Variants in BPIFA2 observed in about 807,000 individuals in gnomAD.
BPIFA2 encodes BPI fold containing family A member 2, also known as BPI fold-containing family A member 2.
In BPIFA2, 20 loss-of-function variants were observed where a neutral mutation model predicts 25.7. The ratio of observed to expected loss-of-function variants is 0.78; its 90% CI spans 0.55 to 1.13. The LOEUF (loss-of-function observed/expected upper bound fraction) is 1.13. Ranked by LOEUF, BPIFA2 falls within the 50% of genes most tolerant of loss-of-function variation. BPIFA2 has a pLI of 0.00. For synonymous variants in BPIFA2, 126 were observed against 124.3 expected (o/e 1.01, Z -0.09); for missense variants, 300 against 298.1 (o/e 1.01, Z -0.05).
At chr20:33,177,889 T>C (rs1984136226) in intron 5 of BPIFA2, among the ~76,000 whole-genome samples, 1 of 152,212 alleles carries the variant, frequency 6.6e-6, no homozygotes, top group Non-Finnish European at 1.5e-5. Flanking sequence ...GCTGGTGCTC[T>C]GTAAATACGG....
At position 33,175,532 on chromosome 20, in the gene BPIFA2, C is replaced by T. The variant is rs770881633; in HGVS notation, c.536C>T (p.Thr179Ile). The T allele has an allele frequency of 6.2e-7, 1 of 1,614,096 alleles. No individual in the cohort carries two copies. Residue 179 changes from threonine (T) to isoleucine (I), a missense_variant, in exon 5 of 9, where the codon ACC (threonine) becomes ATC (isoleucine). Coordinates refer to ENST00000354932, the MANE Select transcript of BPIFA2 (RefSeq NM_080574.4). ...AVLGECASDPTSISLSLLDKH... is the reference protein window; with the variant it reads ...AVLGECASDPISISLSLLDKH... ...CTGGGAGAATGCGCCAGTGACCCAA[C>T]CAGCATCTCACTTTCCTTGCTGGAC...
chr20:33,168,350 C>T lies in BPIFA2; in HGVS notation c.-16+141C>T, dbSNP rs117733670. The T allele has an allele frequency of 5.4e-4, 87 of 162,434 alleles. No homozygotes were observed. The East Asian group carries it at 0.014, about 26-fold the overall frequency. 10.1% of individuals were successfully genotyped at this position (162,434 alleles called of 1,614,324 possible). On this transcript the variant is annotated intron_variant, in intron 1 of 8. Transcript: ENST00000354932. ...GATAATCAATATATCTCTAAATGTGCTCTAAATGGCAAGTTCGTGATGAGT... is the reference window on the plus strand; with the variant it reads ...GATAATCAATATATCTCTAAATGTGTTCTAAATGGCAAGTTCGTGATGAGT...
chr20:33,172,401 TA>T (rs943513585), intron 2 of BPIFA2, among the ~76,000 whole-genome samples: 254 of 137,076 alleles, frequency 1.9e-3, no homozygotes, highest in African/African-American at 4.9e-3. Flanking sequence ...AACTTAAAGT[TA>T]AAAAAAAAAA....
chr20:33,175,673 G>A, intron 5 of BPIFA2, 114 bp downstream of exon 5: 1 of 1,183,598 alleles, frequency 8.4e-7, no homozygotes, highest in Admixed American at 2.5e-5. Flanking sequence ...TTCAGGCTCT[G>A]GAGTCATGTT....
chr20:33,179,690 A>G, intron 7 of BPIFA2, 23 bp downstream of exon 7: 1 of 1,588,102 alleles, frequency 6.3e-7, no homozygotes, highest in African/African-American at 1.3e-5. Context: ...GGAAGTGGGG[A>G]CCTTCTGAGG....
intron 6 of BPIFA2, among the ~76,000 whole-genome samples, chr20:33,178,912 TAC>T (rs1356619966): frequency 6.6e-6 from 1 of 152,146 alleles, no homozygotes; most frequent in African/African-American, 2.4e-5. Context: ...GGGAACTGTG[TAC>T]ACACAGGAGC....
upstream of BPIFA2, among the ~76,000 whole-genome samples, chr20:33,167,206 G>A (rs1983751751): frequency 6.6e-6 from 1 of 152,216 alleles, no homozygotes; most frequent in Admixed American, 6.5e-5. Context: ...GCAGGTGGGT[G>A]AGCAGAAGGG....
intron 1 of BPIFA2, among the ~76,000 whole-genome samples, chr20:33,168,606 G>C (rs977802888): frequency 2.6e-5 from 4 of 152,200 alleles, no homozygotes; most frequent in African/African-American, 9.6e-5. Context: ...CTAGGTGCAG[G>C]CTTTTTACTG....
intron 5 of BPIFA2, among the ~76,000 whole-genome samples, chr20:33,177,667 G>T (rs1984128884): frequency 6.6e-6 from 1 of 152,210 alleles, no homozygotes; most frequent in African/African-American, 2.4e-5. Flanking sequence ...TGATAGCAAA[G>T]CTCTCTCTTA....
rs547502698 is a variant in BPIFA2 at position 33,180,124 on chromosome 20, G to A, written c.710-396G>A. ...TCCCAGCTACTCGGGAGGCTGAGGC[G>A]GGAGGATTGCTTGAGCCTAGGAGGC... On this transcript the variant is annotated intron_variant, in intron 7 of 8. Transcript: ENST00000354932. Among the ~76,000 whole-genome samples the A allele has an allele frequency of 1.8e-4, 28 of 152,118 alleles. 1 individual carries two copies. Among genetic ancestry groups the A allele is most frequent in the East Asian group, 9.7e-4 (5 of 5,170 alleles).
At chr20:33,166,074 T>G (rs1484862885), upstream of BPIFA2, among the ~76,000 whole-genome samples, 1 of 152,190 alleles carries the variant, frequency 6.6e-6, no homozygotes, top group East Asian at 1.9e-4. Flanking sequence ...TATAGTGAAG[T>G]GGCACAATCT....
At chr20:33,177,405 C>A (rs1327447363) in intron 5 of BPIFA2, among the ~76,000 whole-genome samples, 1 of 151,928 alleles carries the variant, frequency 6.6e-6, no homozygotes, top group East Asian at 1.9e-4. Context: ...CAGGCAGGCA[C>A]CATTCTGGGC....
chr20:33,164,882 A>G (rs1315076368), upstream of BPIFA2, among the ~76,000 whole-genome samples: 1 of 152,238 alleles, frequency 6.6e-6, no homozygotes, highest in Admixed American at 6.5e-5. Context: ...GCATTCAGGG[A>G]ACATTCCATG....
At chr20:33,173,633 T>A (rs1206657794) in intron 3 of BPIFA2, among the ~76,000 whole-genome samples, 1 of 152,144 alleles carries the variant, frequency 6.6e-6, no homozygotes, top group Non-Finnish European at 1.5e-5. Flanking sequence ...GCCTCCTGAG[T>A]AGCTGGGATT....
chr20:33,162,734 G>A (rs778369629), intron 1 of BPIFA2, among the ~76,000 whole-genome samples: 9 of 152,182 alleles, frequency 5.9e-5, no homozygotes, highest in Admixed American at 4.6e-4. Flanking sequence ...CCAAATTGAG[G>A]TCTGGCTGGT....
intron 4 of BPIFA2, 95 bp downstream of exon 4, chr20:33,174,281 G>A (rs553874751): frequency 1.9e-4 from 204 of 1,066,146 alleles, no homozygotes; most frequent in Non-Finnish European, 2.9e-5. Flanking sequence ...CCCGCTGCTG[G>A]GTGAACTTGG....
At position 33,172,916 on chromosome 20, in the gene BPIFA2, C is replaced by G. The variant is rs546969309; in HGVS notation, c.158-16C>G. 1.9e-6 allele frequency: 3 copies of G among 1,610,642 alleles called. No homozygotes were observed. Among genetic ancestry groups the G allele is most frequent in the African/African-American group, 2.7e-5 (2 of 74,718 alleles). Reference sequence around the variant, plus strand: ...GTAAGTGGTGCGTGACACAAAATGGCGATTGTTTTTGGCAGGCATCCTTGA... The same window carrying G: ...GTAAGTGGTGCGTGACACAAAATGGGGATTGTTTTTGGCAGGCATCCTTGA... On this transcript the variant is annotated splice_polypyrimidine_tract_variant and intron_variant, in intron 2 of 8. Coordinates refer to ENST00000354932, the MANE Select transcript of BPIFA2 (RefSeq NM_080574.4).
chr20:33,173,166 G>A, intron 3 of BPIFA2, 90 bp downstream of exon 3: 1 of 1,468,630 alleles, frequency 6.8e-7, no homozygotes, highest in Non-Finnish European at 9.3e-7. Context: ...AAGACAGATG[G>A]ACAAGCCTCA....
intron 5 of BPIFA2, among the ~76,000 whole-genome samples, chr20:33,175,778 A>G (rs1387836697): frequency 6.6e-6 from 1 of 152,320 alleles, no homozygotes; most frequent in East Asian, 1.9e-4. Flanking sequence ...GGGGGTGTTC[A>G]TAATAACTAC....
Sources: gnomAD v4.1 joint callset for allele counts (sites outside exome capture counted in the v4.1 genomes callset) on GRCh38, gnomAD v4.1.1 for gene constraint, MANE v1.5 for transcripts, NCBI Gene and HGNC (gene_info 2026-07-23, HGNC 2026-07-21) for gene names.